EXOC6B: variants seen among roughly 807,000 people sequenced by gnomAD.
The protein encoded by EXOC6B is SEC15 homolog B.
A neutral mutation model predicts 113.5 loss-of-function variants in EXOC6B; 54 were observed. That is an observed-to-expected ratio of 0.48 (90% confidence interval 0.38 to 0.60). The LOEUF is 0.60. Among genes scored for constraint, EXOC6B ranks in the 20% least tolerant of loss-of-function variants. The probability of loss-of-function intolerance (pLI) is 0.00; values close to 1 mark genes in which losing one functional copy is unlikely to be tolerated. For synonymous variants in EXOC6B, 357 were observed against 339.0 expected, an observed-to-expected ratio of 1.05 and a Z score of -0.58; for missense variants, 797 against 977.5, an observed-to-expected ratio of 0.82 and a Z score of 2.46.
chr2:72,747,890 T>C (rs923169299), intron 1 of EXOC6B, among the ~76,000 whole-genome samples: 2 of 152,050 alleles, frequency 1.3e-5, no homozygotes, highest in East Asian at 3.8e-4. Flanking sequence ...TATTAAACTA[T>C]ATCTGATTGT....
intron 19 of EXOC6B, among the ~76,000 whole-genome samples, chr2:72,364,404 A>G (rs1423579736): frequency 6.6e-6 from 1 of 152,130 alleles, no homozygotes; most frequent in Non-Finnish European, 1.5e-5. Context: ...TTCACTGCTG[A>G]TATTATGGTT....
In EXOC6B at chr2:72,632,692, T is replaced by G. The variant is rs1672551879; in HGVS notation, c.670-57024A>C. Among the ~76,000 whole-genome samples the G allele has an allele frequency of 2.6e-5, 4 of 152,090 alleles. No homozygotes were observed. The South Asian group carries it at 8.3e-4, about 31-fold the overall frequency. On this transcript the variant is annotated intron_variant, in intron 6 of 21. Transcript: ENST00000272427. ...TCAAACACTAGCTTCTCTCAATTTT[T>G]TTTTATTTTTTTATTTTTTGAGACA...
chr2:72,499,841 A>G, intron 12 of EXOC6B, 60 bp downstream of exon 12: 1 of 1,184,368 alleles, frequency 8.4e-7, no homozygotes, highest in Non-Finnish European at 1.2e-6. Context: ...GTCAAGAAAA[A>G]GGTTTAGAGC....
rs568397158 is a variant in EXOC6B, at chr2:72,243,432, T to C, written c.2197-59245A>G. On this transcript the variant is annotated intron_variant, in intron 20 of 21. Coordinates refer to ENST00000272427, the MANE Select transcript of EXOC6B (RefSeq NM_015189.3). Reference sequence around the variant, plus strand: ...GCAGCCATAAAAAAGGATGAGTTCATGTCCATTGCAGGGACATGGATGAAG... The same window carrying C: ...GCAGCCATAAAAAAGGATGAGTTCACGTCCATTGCAGGGACATGGATGAAG... Among the ~76,000 whole-genome samples, 106 of 152,332 alleles carry C rather than the reference T, an allele frequency of 7.0e-4. No individual in the cohort carries two copies. The South Asian group carries it at 0.011, about 15-fold the overall frequency.
intron 11 of EXOC6B, among the ~76,000 whole-genome samples, chr2:72,504,820 C>T (rs1442423478): frequency 6.6e-6 from 1 of 152,164 alleles, no homozygotes; most frequent in Non-Finnish European, 1.5e-5. Flanking sequence ...AATGTTACCT[C>T]ATTTGGTTCT....
chr2:72,601,842 A>C (rs1670453774), intron 6 of EXOC6B, among the ~76,000 whole-genome samples: 1 of 152,226 alleles, frequency 6.6e-6, no homozygotes, highest in African/African-American at 2.4e-5. Flanking sequence ...ATTTGGAAAT[A>C]AAATGATATA....
intron 20 of EXOC6B, among the ~76,000 whole-genome samples, chr2:72,273,556 G>C (rs56045434): frequency 0.14 from 21,280 of 152,076 alleles, 1,506 homozygotes; most frequent in Admixed American, 0.17. Flanking sequence ...AAGGTTCACA[G>C]GGGAGGAAGC....
intron 5 of EXOC6B, among the ~76,000 whole-genome samples, chr2:72,722,678 T>C (rs1440643431): frequency 6.6e-6 from 1 of 152,224 alleles, no homozygotes; most frequent in Non-Finnish European, 1.5e-5. Flanking sequence ...GTGTTTATAC[T>C]ACAATTAGGT....
intron 7 of EXOC6B, among the ~76,000 whole-genome samples, chr2:72,564,382 G>T (rs1204779011): frequency 2.0e-5 from 3 of 152,190 alleles, no homozygotes; most frequent in East Asian, 1.9e-4. Context: ...AAGGAATTTA[G>T]ATATCTTTCT....
In EXOC6B at chr2:72,307,161, G is replaced by GTTTTTTTTTTT. The variant is rs1553371308; in HGVS notation, c.2196+27775_2196+27785dup. Among the ~76,000 whole-genome samples the GTTTTTTTTTTT allele has an allele frequency of 2.3e-3, 294 of 128,460 alleles. 22 individuals carry two copies. Among genetic ancestry groups the GTTTTTTTTTTT allele is most frequent in the African/African-American group, 0.01 (266 of 26,170 alleles). The allele number at this position is 128,460 out of a possible 152,430, so 84.3% of individuals were successfully genotyped here. A position where few individuals can be genotyped will look rare whatever the true frequency, so the allele number is the denominator to read the frequency against. On this transcript the variant is annotated intron_variant, in intron 20 of 21. Coordinates refer to ENST00000272427, the MANE Select transcript of EXOC6B (RefSeq NM_015189.3). The stretch of plus-strand genomic sequence containing the variant: ...TCCATGACTGCAATGGTATAGTCCA[G>GTTTTTTTTTTT]TTTTTTTTTTTTTGAGACGGAGTCT...
chr2:72,584,671 T>C (rs1175411549), intron 6 of EXOC6B, among the ~76,000 whole-genome samples: 1 of 152,196 alleles, frequency 6.6e-6, no homozygotes, highest in East Asian at 1.9e-4. Flanking sequence ...AACAGACATC[T>C]ACAGAACACT....
intron 15 of EXOC6B, 45 bp from the exon 16 acceptor site, chr2:72,492,474 T>A: frequency 7.7e-7 from 1 of 1,297,340 alleles, no homozygotes; most frequent in Non-Finnish European, 1.1e-6. Context: ...GTAGCAGAAT[T>A]ATTTCGGCAA....
chr2:72,301,227 T>C (rs140828090), intron 20 of EXOC6B, among the ~76,000 whole-genome samples: 2,826 of 152,342 alleles, frequency 0.019, 27 homozygotes, highest in Middle Eastern at 0.037. Flanking sequence ...TTTTTGATTG[T>C]GCTGCTGAAT....
Position 72,176,086 on chromosome 2 carries a change from C to T in EXOC6B, c.*3249G>A, listed in dbSNP as rs1677711246. 2 of 152,174 alleles carry T rather than the reference C, an allele frequency of 1.3e-5. No homozygotes were observed. Among genetic ancestry groups the T allele is most frequent in the African/African-American group, 4.8e-5 (2 of 41,442 alleles). 9.4% of individuals were successfully genotyped at this position (152,174 alleles called of 1,614,324 possible). On this transcript the variant is annotated 3_prime_UTR_variant, in exon 22 of 22. Transcript: ENST00000272427. ...GCTCTTTTCACAGAGGAGCTTTCCC[C>T]TAACCATGCGGCCCATCTGTATCAG...
chr2:72,553,524 T>C (rs1191887085), intron 8 of EXOC6B, among the ~76,000 whole-genome samples: 1 of 152,038 alleles, frequency 6.6e-6, no homozygotes, highest in African/African-American at 2.4e-5. Context: ...AAGGGACTTA[T>C]TTTATACCAT....
intron 14 of EXOC6B, 123 bp downstream of exon 14, chr2:72,496,331 G>C: frequency 1.7e-6 from 1 of 580,418 alleles, no homozygotes; most frequent in Non-Finnish European, 3.1e-6. Flanking sequence ...AGAATCCTTT[G>C]AAATTGTTTT....
chr2:72,479,817 G>T (rs1206079755), intron 17 of EXOC6B, among the ~76,000 whole-genome samples: 1 of 151,990 alleles, frequency 6.6e-6, no homozygotes, highest in Non-Finnish European at 1.5e-5. Flanking sequence ...TCCAGCTCTG[G>T]ATCAAAACTA....
chr2:72,634,989 T>G (rs148858793), intron 6 of EXOC6B, among the ~76,000 whole-genome samples: 1 of 150,862 alleles, frequency 6.6e-6, no homozygotes, highest in Non-Finnish European at 1.5e-5. Context: ...AGAAAACATC[T>G]CAAAAAAAGT....
chr2:72,697,002 G>C (rs976863472), intron 6 of EXOC6B, among the ~76,000 whole-genome samples: 6 of 151,952 alleles, frequency 3.9e-5, no homozygotes, highest in African/African-American at 1.5e-4. Flanking sequence ...ATCTGTACAA[G>C]GAATTTAAAT....
Sources: gnomAD v4.1 joint callset for allele counts (sites outside exome capture counted in the v4.1 genomes callset) on GRCh38, gnomAD v4.1.1 for gene constraint, MANE v1.5 for transcripts, NCBI Gene and HGNC (gene_info 2026-07-23, HGNC 2026-07-21) for gene names.